The following ARID4B variants were observed in gnomAD, a reference collection of about 807,000 sequenced individuals.
ARID4B encodes AT-rich interactive domain-containing protein 4B.
In ARID4B, 26 loss-of-function variants were observed where a neutral mutation model predicts 147.5. That is an observed-to-expected ratio of 0.18 (90% CI 0.13 to 0.24). The LOEUF (loss-of-function observed/expected upper bound fraction) is 0.24. Ranked by LOEUF, ARID4B falls within the 10% of genes least tolerant of loss-of-function variation. ARID4B has a pLI of 1.00. For missense variants in ARID4B, 1,179 were observed against 1,511.5 expected, an observed-to-expected ratio of 0.78 and a Z score of 3.65; for synonymous variants, 512 against 507.9, an observed-to-expected ratio of 1.01 and a Z score of -0.11.
At chr1:235,260,781 T>C in intron 2 of ARID4B, 29 bp from the exon 3 acceptor site, 3 of 1,449,514 alleles carry the variant, frequency 2.1e-6, no homozygotes, top group Non-Finnish European at 2.9e-6. Context: ...ATAATTAGAT[T>C]TAAACTCTCT....
At chr1:235,190,981 T>C (rs1665059100) in intron 19 of ARID4B, among the ~76,000 whole-genome samples, 1 of 152,246 alleles carries the variant, frequency 6.6e-6, no homozygotes, top group African/African-American at 2.4e-5. Flanking sequence ...TTTGAATGCC[T>C]GAGTGACCCA....
intron 8 of ARID4B, among the ~76,000 whole-genome samples, chr1:235,240,108 A>G (rs1034906377): frequency 2.0e-5 from 3 of 152,140 alleles, no homozygotes; most frequent in African/African-American, 7.2e-5. Context: ...CTAAACCTCT[A>G]AGATTATCAA....
rs1226918677 is a variant in ARID4B, at chr1:235,213,887, C to G, written c.1723G>C (p.Val575Leu). ...TTCCCTCGTCCATACCGCACTTGGACTTTCATGCCTGGTGGATAGCACTCA... is the reference window on the plus strand; with the variant it reads ...TTCCCTCGTCCATACCGCACTTGGAGTTTCATGCCTGGTGGATAGCACTCA... ...EFECYPPGMK[V>L]QVRYGRGKNQ... The change falls in exon 17 of 24, where the codon GTC becomes CTC. Residue 575 changes from valine (V) to leucine (L), a missense_variant. Coordinates refer to ENST00000264183, the MANE Select transcript of ARID4B (RefSeq NM_016374.6). The G allele has an allele frequency of 1.2e-6, 2 of 1,613,974 alleles. No individual in the cohort carries two copies. Among genetic ancestry groups the G allele is most frequent in the Non-Finnish European group, 1.7e-6 (2 of 1,180,022 alleles).
At chr1:235,304,291 T>C (rs1010531731) in intron 2 of ARID4B, among the ~76,000 whole-genome samples, 2 of 151,888 alleles carry the variant, frequency 1.3e-5, no homozygotes, top group Non-Finnish European at 2.9e-5. Flanking sequence ...GAGGCTGCAG[T>C]GAGCCAAGAT....
Position 235,229,141 on chromosome 1 carries a change from A to G in ARID4B, c.897+90T>C, listed in dbSNP as rs201122579. 1.4e-3 allele frequency: 1,946 copies of G among 1,388,018 alleles called. 3 individuals carry two copies. The highest frequency in any genetic ancestry group is 1.7e-3 in the Non-Finnish European group (1,781 of 1,024,660). 86.0% of individuals were successfully genotyped at this position (1,388,018 alleles called of 1,614,324 possible). ...TATTTCTCATACTAAAAATACTTATATGAGTAATGACTTAATGCCAAATCC... is the reference window on the plus strand; with the variant it reads ...TATTTCTCATACTAAAAATACTTATGTGAGTAATGACTTAATGCCAAATCC... On this transcript the variant is annotated intron_variant, in intron 11 of 23. Coordinates refer to ENST00000264183, the MANE Select transcript of ARID4B (RefSeq NM_016374.6).
intron 19 of ARID4B, among the ~76,000 whole-genome samples, chr1:235,183,365 C>A (rs550125657): frequency 1.3e-5 from 2 of 151,964 alleles, no homozygotes; most frequent in Non-Finnish European, 2.9e-5. Flanking sequence ...CCCACCACCA[C>A]GCCCGGCTAA....
intron 2 of ARID4B, among the ~76,000 whole-genome samples, chr1:235,291,933 CAA>C (rs1407758268): frequency 6.6e-6 from 1 of 151,802 alleles, no homozygotes. Context: ...CGTGTGGAAA[CAA>C]TACACAAAAA....
chr1:235,214,627 A>T, intron 16 of ARID4B, among the ~76,000 whole-genome samples: 1 of 152,130 alleles, frequency 6.6e-6, no homozygotes, highest in East Asian at 1.9e-4. Context: ...TAATTTAAAC[A>T]GAAATATTCT....
At chr1:235,306,660 ATC>A (rs1424830367) in intron 2 of ARID4B, among the ~76,000 whole-genome samples, 1 of 151,982 alleles carries the variant, frequency 6.6e-6, no homozygotes, top group East Asian at 1.9e-4. Context: ...CTTAAATAAA[ATC>A]TCTTTTTTTA....
At chr1:235,318,524 A>G (rs1674599672) in intron 2 of ARID4B, among the ~76,000 whole-genome samples, 1 of 152,152 alleles carries the variant, frequency 6.6e-6, no homozygotes, top group African/African-American at 2.4e-5. Context: ...AGACACAAAA[A>G]GGCCACATAT....
intron 5 of ARID4B, among the ~76,000 whole-genome samples, chr1:235,254,336 G>C (rs1669818874): frequency 6.6e-6 from 1 of 151,928 alleles, no homozygotes; most frequent in Non-Finnish European, 1.5e-5. Context: ...TAAATGGTAA[G>C]AATTGTTACC....
intron 2 of ARID4B, among the ~76,000 whole-genome samples, chr1:235,326,327 C>A (rs1675259255): frequency 6.6e-6 from 1 of 152,122 alleles, no homozygotes; most frequent in African/African-American, 2.4e-5. Context: ...CATCATAATG[C>A]AACAGAGCCT....
intron 17 of ARID4B, among the ~76,000 whole-genome samples, chr1:235,209,606 C>T (rs1444803610): frequency 6.7e-6 from 1 of 149,876 alleles, no homozygotes; most frequent in Admixed American, 6.6e-5. Flanking sequence ...CTCTGTCACC[C>T]AGGCTGGAGT....
At chr1:235,202,470 A>G (rs866869168) in intron 17 of ARID4B, among the ~76,000 whole-genome samples, 11 of 151,108 alleles carry the variant, frequency 7.3e-5, no homozygotes, top group African/African-American at 2.7e-4. Flanking sequence ...AACATAAAAT[A>G]ACATATGCAT....
intron 2 of ARID4B, among the ~76,000 whole-genome samples, chr1:235,302,671 CT>C (rs767356055): frequency 6.6e-6 from 1 of 152,138 alleles, no homozygotes; most frequent in African/African-American, 2.4e-5. Flanking sequence ...ACTTGAACAC[CT>C]GCCCACTGCT....
intron 10 of ARID4B, among the ~76,000 whole-genome samples, chr1:235,230,357 C>A (rs752427213): frequency 6.6e-6 from 1 of 150,972 alleles, no homozygotes; most frequent in Non-Finnish European, 1.5e-5. Flanking sequence ...GAGGGTGCAC[C>A]GAGATTGTAC....
chr1:235,321,637 G>A (rs574377014), intron 2 of ARID4B, among the ~76,000 whole-genome samples: 3 of 151,900 alleles, frequency 2.0e-5, no homozygotes, highest in South Asian at 2.1e-4. Context: ...TCCTACAGGC[G>A]CCCGCTACCA....
chr1:235,295,355 C>T (rs1672619961), intron 2 of ARID4B, among the ~76,000 whole-genome samples: 1 of 151,780 alleles, frequency 6.6e-6, no homozygotes, highest in Non-Finnish European at 1.5e-5. Context: ...AATAATAATA[C>T]AAAAATTAGC....
intron 2 of ARID4B, among the ~76,000 whole-genome samples, chr1:235,289,482 G>A (rs534577416): frequency 1.3e-5 from 2 of 152,222 alleles, no homozygotes; most frequent in South Asian, 4.1e-4. Flanking sequence ...TCCCAACACT[G>A]GGAGGCCGAG....
Sources: allele counts gnomAD v4.1 joint callset (sites outside exome capture counted in the v4.1 genomes callset), GRCh38; gene constraint gnomAD v4.1.1; transcripts MANE v1.5; gene names NCBI Gene and HGNC (gene_info 2026-07-23, HGNC 2026-07-21).